TRIM33: variants seen among roughly 807,000 people sequenced by gnomAD.
TRIM33 encodes the protein tripartite motif containing 33, also known as E3 ubiquitin-protein ligase TRIM33.
Under a neutral mutation model 125.4 loss-of-function variants are expected in TRIM33, and 20 were observed. The observed-to-expected ratio is 0.16, with a 90% CI of 0.11 to 0.23. The LOEUF (loss-of-function observed/expected upper bound fraction) is 0.23. Among genes scored for constraint, TRIM33 ranks in the 10% least tolerant of loss-of-function variants. The pLI is 1.00. For synonymous variants in TRIM33, 564 were observed against 513.9 expected, an observed-to-expected ratio of 1.10 and a Z score of -1.32; for missense variants, 920 against 1,411.4, an observed-to-expected ratio of 0.65 and a Z score of 5.58.
Position 114,401,421 on chromosome 1 carries a change from T to C in TRIM33, c.2935A>G (p.Ser979Gly). 6.2e-7 allele frequency: 1 copy of C among 1,613,292 alleles called. No individual in the cohort carries two copies. Among genetic ancestry groups the C allele is most frequent in the Non-Finnish European group, 8.5e-7 (1 of 1,179,542 alleles). ...GGAACAGGCTCCTGGAATTCAATAC[T>C]TAATTCATGGCAATAGAGGTAAAGC... ...LLLYLYCHEL[S>G]IEFQEPVPAS... The change falls in exon 17 of 20, where the codon AGT becomes GGT. Residue 979 changes from serine (S) to glycine (G), a missense_variant. Ser to Gly is a moderately conservative substitution (Grantham distance 56, BLOSUM62 0). Around this residue, in one of 8 missense-constraint regions of TRIM33, gnomAD observed 122 missense variants for 236.8 expected, o/e 0.52. Transcript: ENST00000358465.
chr1:114,432,289 T>C (rs961212700), intron 5 of TRIM33, among the ~76,000 whole-genome samples: 3 of 151,990 alleles, frequency 2.0e-5, no homozygotes, highest in Non-Finnish European at 4.4e-5. Flanking sequence ...GGGACTGCCA[T>C]ATGAATCAAC....
In TRIM33 at chr1:114,445,418, T is replaced by C. The variant is rs892591110; in HGVS notation, c.924-11685A>G. On this transcript the variant is annotated intron_variant, in intron 4 of 19. Transcript: ENST00000358465. ...ATGCCTGGCTAATTTTAAAAAATTT[T>C]CTGGTAGAGATGGGGTCTTACTATG... is the stretch of plus-strand genomic sequence containing the variant. Among the ~76,000 whole-genome samples, 4 of 152,216 alleles carry C rather than the reference T, an allele frequency of 2.6e-5. No individual in the cohort carries two copies. The East Asian group carries it at 5.8e-4, about 22-fold the overall frequency.
Position 114,510,591 on chromosome 1 carries a change from G to T in TRIM33, c.486C>A (p.Ser162Arg). Residue 162 changes from serine to arginine, a missense_variant, in exon 1 of 20, where the codon AGC (serine) becomes AGA (arginine). Physicochemically the swap from Ser to Arg is moderately radical, Grantham distance 110. Transcript: ENST00000358465. ...CGTTGCTGCCCCCCGGGATGGGCAC[G>T]CTGAGCTGGCGCTCCGGCTCGGGCA... ...RCLPEPERQLSVPIPGGSNGD... is the reference protein window; with the variant it reads ...RCLPEPERQLRVPIPGGSNGD... The T allele has an allele frequency of 6.5e-7, 1 of 1,542,734 alleles. No homozygotes were observed. Among genetic ancestry groups the T allele is most frequent in the Non-Finnish European group, 8.7e-7 (1 of 1,149,524 alleles).
intron 4 of TRIM33, among the ~76,000 whole-genome samples, chr1:114,461,325 A>T (rs1001731964): frequency 2.2e-5 from 3 of 135,134 alleles, no homozygotes; most frequent in South Asian, 2.3e-4. Context: ...ATATATATAT[A>T]TTTTAAGTAC....
chr1:114,398,898 C>CAAAAAAAAAAAAAAAA (rs372853872), intron 18 of TRIM33, among the ~76,000 whole-genome samples: 2 of 60,792 alleles, frequency 3.3e-5, no homozygotes, highest in African/African-American at 7.2e-5. Context: ...AACTTACCCT[C>CAAAAAAAAAAAAAAAA]AAAAAAAAAA....
intron 4 of TRIM33, among the ~76,000 whole-genome samples, chr1:114,436,165 G>A (rs1648277731): frequency 6.6e-6 from 1 of 151,576 alleles, no homozygotes; most frequent in Non-Finnish European, 1.5e-5. Context: ...CACTTTGGAA[G>A]GCCGAGGCAG....
rs1213477924 is a variant in TRIM33, at chr1:114,511,151, C to CCAGCCG, written c.-81_-76dup. ...GTCGCCGCCGCCGCCGCCCCCAGCC[C>CCAGCCG]CAGCCGCAGCCGCAGCAAGAGCGGC... On this transcript the variant is annotated 5_prime_UTR_variant, in exon 1 of 20. Transcript: ENST00000358465. The CCAGCCG allele has an allele frequency of 3.6e-5, 38 of 1,060,990 alleles. No individual in the cohort carries two copies. Among genetic ancestry groups the CCAGCCG allele is most frequent in the African/African-American group, 1.7e-4 (10 of 58,918 alleles). 65.7% of individuals were successfully genotyped at this position (1,060,990 alleles called of 1,614,324 possible).
intron 1 of TRIM33, among the ~76,000 whole-genome samples, chr1:114,508,231 TA>T (rs1398475401): frequency 6.6e-6 from 1 of 152,186 alleles, no homozygotes; most frequent in African/African-American, 2.4e-5. Context: ...CCCTTCCACT[TA>T]CTCCCCCTCC....
At chr1:114,452,458 C>CA (rs34337817) in intron 4 of TRIM33, among the ~76,000 whole-genome samples, 1 of 151,504 alleles carries the variant, frequency 6.6e-6, no homozygotes, top group Non-Finnish European at 1.5e-5. Context: ...GACTCTGTCT[C>CA]AAAAAAGTAA....
chr1:114,407,693 A>C (rs1336528039), intron 13 of TRIM33, among the ~76,000 whole-genome samples: 1 of 152,232 alleles, frequency 6.6e-6, no homozygotes, highest in Non-Finnish European at 1.5e-5. Context: ...ATATACATAC[A>C]TACAGACGTA....
intron 11 of TRIM33, among the ~76,000 whole-genome samples, chr1:114,421,158 C>T (rs1653255476): frequency 6.6e-6 from 1 of 152,082 alleles, no homozygotes; most frequent in African/African-American, 2.4e-5. Context: ...ATCTCACTTA[C>T]ATGTGGAATC....
chr1:114,510,476 C>G, intron 1 of TRIM33, 75 bp downstream of exon 1: 1 of 1,357,790 alleles, frequency 7.4e-7, no homozygotes, highest in South Asian at 1.6e-5. Flanking sequence ...CAGGCCCCAG[C>G]ACCTCCGTCC....
At chr1:114,401,075 C>T (rs1651848428) in intron 17 of TRIM33, among the ~76,000 whole-genome samples, 1 of 146,648 alleles carries the variant, frequency 6.8e-6, no homozygotes, top group South Asian at 2.1e-4. Flanking sequence ...CTCGCTCTGT[C>T]GCCCAGGCTG....
chr1:114,510,894 C>A lies in TRIM33; in HGVS notation c.183G>T (p.Gly61=). 1 of 1,429,654 alleles carries A rather than the reference C, an allele frequency of 7.0e-7. No individual in the cohort carries two copies. The highest frequency in any genetic ancestry group is 9.1e-7 in the Non-Finnish European group (1 of 1,099,514). 88.6% of individuals were successfully genotyped at this position (1,429,654 alleles called of 1,614,324 possible). A position where few individuals can be genotyped will look rare whatever the true frequency, so the allele number is the denominator to read the frequency against. ...CCGCGGCCACCCCCCCGTCGTCGGG[C>A]CCGGCCGCGCCGCCCTCAGCGCCGG... ...GRAGAEGGAA[G]PDDGGVAAAS... The change falls in exon 1 of 20, where the codon GGG becomes GGT. Residue 61 remains glycine, a synonymous_variant. Transcript: ENST00000358465.
At chr1:114,468,096 A>G (rs1362407205) in intron 1 of TRIM33, among the ~76,000 whole-genome samples, 1 of 152,132 alleles carries the variant, frequency 6.6e-6, no homozygotes, top group African/African-American at 2.4e-5. Context: ...CGTGCCAGAA[A>G]CCTCAAACTG....
At chr1:114,460,570 CACCT>C (rs1649911270) in intron 4 of TRIM33, among the ~76,000 whole-genome samples, 1 of 112,218 alleles carries the variant, frequency 8.9e-6, no homozygotes, top group Non-Finnish European at 1.9e-5. Flanking sequence ...CACCCCCCGC[CACCT>C]TTTTTTTTTT....
At chr1:114,505,529 T>C (rs1230860412) in intron 1 of TRIM33, among the ~76,000 whole-genome samples, 1 of 152,162 alleles carries the variant, frequency 6.6e-6, no homozygotes, top group Non-Finnish European at 1.5e-5. Context: ...TACACATGAT[T>C]GTTGCCATCT....
At chr1:114,432,518 G>A (rs1183356582) in intron 5 of TRIM33, among the ~76,000 whole-genome samples, 1 of 152,192 alleles carries the variant, frequency 6.6e-6, no homozygotes, top group Non-Finnish European at 1.5e-5. Flanking sequence ...CGGGCACAGT[G>A]GCTCAGGCCT....
chr1:114,470,506 G>T (rs1296724993), intron 1 of TRIM33, among the ~76,000 whole-genome samples: 3 of 152,032 alleles, frequency 2.0e-5, no homozygotes, highest in Admixed American at 2.0e-4. Context: ...GCCACTCCCT[G>T]TCTCTCTCCC....
Sources: gnomAD v4.1 joint callset for allele counts (sites outside exome capture counted in the v4.1 genomes callset) on GRCh38, gnomAD v4.1.1 for gene constraint, gnomAD v4.1.1 regional missense constraint, MANE v1.5 for transcripts, NCBI Gene and HGNC (gene_info 2026-07-23, HGNC 2026-07-21) for gene names.